Variants in FARSB observed in about 807,000 individuals in gnomAD.
The protein encoded by FARSB is phenylalanine--tRNA ligase beta subunit.
FARSB carries 40 observed loss-of-function variants against 69.6 expected under a neutral mutation model. That is an observed-to-expected ratio of 0.57 (90% CI 0.45 to 0.75). The LOEUF (loss-of-function observed/expected upper bound fraction) is 0.75, where lower values mean the gene tolerates loss of function less well. Ranked by LOEUF, FARSB falls within the 30% of genes least tolerant of loss-of-function variation. The probability of loss-of-function intolerance (pLI) is 0.00; values close to 1 mark genes in which losing one functional copy is unlikely to be tolerated. For synonymous variants in FARSB, 235 were observed against 247.2 expected (o/e 0.95, Z 0.46); for missense variants, 632 against 722.9 (o/e 0.87, Z 1.44).
chr2:222,632,023 GATGGTGCAATGGCACGAC>G (rs536299664), intron 7 of FARSB, among the ~76,000 whole-genome samples: 6,570 of 151,022 alleles, frequency 0.044, 434 homozygotes, highest in African/African-American at 0.15. Flanking sequence ...GGTGAGCCGA[GATGGTGCAATGGCACGAC>G]ATGGTGCAAT....
At position 222,624,702 on chromosome 2, in the gene FARSB, T is replaced by A; in HGVS notation, c.962+12A>T. 6.3e-7 allele frequency: 1 copy of A among 1,581,498 alleles called. No individual in the cohort carries two copies. Among genetic ancestry groups the A allele is most frequent in the Non-Finnish European group, 8.6e-7 (1 of 1,157,626 alleles). Reference sequence around the variant, plus strand: ...CTTTGTTCTTGAATTAAGTGAAGTTTTCAGAGCATACCTGATTCCAACTTT... The same window carrying A: ...CTTTGTTCTTGAATTAAGTGAAGTTATCAGAGCATACCTGATTCCAACTTT... On this transcript the variant is annotated intron_variant, in intron 11 of 16. Coordinates refer to ENST00000281828, the MANE Select transcript of FARSB (RefSeq NM_005687.5).
intron 16 of FARSB, among the ~76,000 whole-genome samples, chr2:222,593,406 T>A (rs958075671): frequency 6.6e-6 from 1 of 152,206 alleles, no homozygotes; most frequent in Non-Finnish European, 1.5e-5. Flanking sequence ...ATGGCTGTGA[T>A]TGGAAGACTC....
At chr2:222,588,074 C>A (rs926993140) in intron 16 of FARSB, among the ~76,000 whole-genome samples, 2 of 152,190 alleles carry the variant, frequency 1.3e-5, no homozygotes, top group Non-Finnish European at 2.9e-5. Flanking sequence ...GAATTTTAGA[C>A]CAATATCCCT....
chr2:222,597,016 C>A (rs1416777620), intron 16 of FARSB, among the ~76,000 whole-genome samples: 1 of 152,110 alleles, frequency 6.6e-6, no homozygotes, highest in Non-Finnish European at 1.5e-5. Context: ...GATACCAATT[C>A]TCTGTGGCTT....
intron 15 of FARSB, among the ~76,000 whole-genome samples, chr2:222,606,907 T>C (rs889325440): frequency 9.9e-5 from 15 of 152,192 alleles, no homozygotes; most frequent in East Asian, 3.8e-4. Flanking sequence ...AGAAAACCTA[T>C]TGGGAGACCA....
intron 2 of FARSB, among the ~76,000 whole-genome samples, chr2:222,646,502 T>C (rs746512891): frequency 6.6e-6 from 1 of 152,222 alleles, no homozygotes; most frequent in Non-Finnish European, 1.5e-5. Flanking sequence ...ATGGTAACCA[T>C]ATTCTTTTAA....
In FARSB at chr2:222,648,728, T is replaced by C; in HGVS notation, c.114+12A>G. 1 of 1,509,560 alleles carries C rather than the reference T, an allele frequency of 6.6e-7. No individual in the cohort carries two copies. The highest frequency in any genetic ancestry group is 9.2e-7 in the Non-Finnish European group (1 of 1,084,996). The allele number at this position is 1,509,560 out of a possible 1,614,324, so 93.5% of individuals were successfully genotyped here. A position where few individuals can be genotyped will look rare whatever the true frequency, so the allele number is the denominator to read the frequency against. ...ACAATCTTTGAAAAATAGACAAATA[T>C]CCAATACATACAATTTCATCAAGCT... On this transcript the variant is annotated intron_variant, in intron 2 of 16. Transcript: ENST00000281828.
At chr2:222,639,505 G>A (rs556526289) in intron 5 of FARSB, 75 bp downstream of exon 5, 9 of 563,902 alleles carry the variant, frequency 1.6e-5, no homozygotes, top group Non-Finnish European at 2.9e-5. Context: ...AGAGGGAGAG[G>A]GATCAGGATG....
At chr2:222,575,992 T>A (rs1462986593) in intron 16 of FARSB, among the ~76,000 whole-genome samples, 5 of 146,244 alleles carry the variant, frequency 3.4e-5, no homozygotes, top group South Asian at 4.4e-4. Flanking sequence ...TTTTTTTTTT[T>A]AAAGAGAAAT....
intron 16 of FARSB, among the ~76,000 whole-genome samples, chr2:222,596,771 C>T (rs1416278389): frequency 1.3e-5 from 2 of 152,024 alleles, no homozygotes; most frequent in African/African-American, 4.8e-5. Context: ...AATTTTGTTC[C>T]TTAGTTGTGG....
chr2:222,598,941 TAAA>T (rs34617984), intron 16 of FARSB, among the ~76,000 whole-genome samples: 13 of 145,622 alleles, frequency 8.9e-5, no homozygotes, highest in African/African-American at 2.0e-4. Context: ...CTCATTTATT[TAAA>T]AAAAAAAAAA....
intron 8 of FARSB, 42 bp downstream of exon 8, chr2:222,631,562 T>A: frequency 3.8e-6 from 4 of 1,055,422 alleles, no homozygotes; most frequent in Non-Finnish European, 5.9e-6. Flanking sequence ...ATAAAATCTA[T>A]CCCAGCTGAT....
intron 15 of FARSB, among the ~76,000 whole-genome samples, chr2:222,603,222 T>G (rs942694317): frequency 6.6e-6 from 1 of 152,050 alleles, no homozygotes; most frequent in Non-Finnish European, 1.5e-5. Context: ...TCTGAGGGAA[T>G]AAACTGAAAA....
chr2:222,630,362 G>A (rs551599391), intron 8 of FARSB, among the ~76,000 whole-genome samples, 188 bp from the exon 9 acceptor site: 33 of 152,192 alleles, frequency 2.2e-4, no homozygotes, highest in African/African-American at 6.3e-4. Context: ...CTGCATTTAC[G>A]CAGTTCTCTG....
chr2:222,633,368 CACATA>C, intron 6 of FARSB, 61 bp from the exon 7 acceptor site: 1 of 782,482 alleles, frequency 1.3e-6, no homozygotes, highest in Non-Finnish European at 2.1e-6. Flanking sequence ...CACTATAGTT[CACATA>C]CTGACCTAAT....
intron 15 of FARSB, among the ~76,000 whole-genome samples, chr2:222,606,314 C>T (rs1183210556): frequency 1.3e-5 from 2 of 152,200 alleles, no homozygotes; most frequent in East Asian, 3.8e-4. Flanking sequence ...GGTATAGTAA[C>T]ATTCCCATTT....
intron 8 of FARSB, among the ~76,000 whole-genome samples, chr2:222,631,213 C>A (rs1435364404): frequency 6.6e-6 from 1 of 151,060 alleles, no homozygotes; most frequent in African/African-American, 2.4e-5. Context: ...AACAAGTACA[C>A]AAAGGTACCA....
chr2:222,577,872 G>C (rs1367909896), intron 16 of FARSB, among the ~76,000 whole-genome samples: 2 of 152,166 alleles, frequency 1.3e-5, no homozygotes, highest in African/African-American at 2.4e-5. Context: ...AAATGCTCGG[G>C]AAACGTTGAG....
intron 15 of FARSB, among the ~76,000 whole-genome samples, chr2:222,600,405 C>G (rs541347184): frequency 6.6e-6 from 1 of 152,240 alleles, no homozygotes; most frequent in African/African-American, 2.4e-5. Flanking sequence ...GCTTCATACT[C>G]TCTTATTCAT....
Sources: allele counts gnomAD v4.1 joint callset (sites outside exome capture counted in the v4.1 genomes callset), GRCh38; gene constraint gnomAD v4.1.1; transcripts MANE v1.5; gene names NCBI Gene and HGNC (gene_info 2026-07-23, HGNC 2026-07-21).